ZC3H12B: variants seen among roughly 807,000 people sequenced by gnomAD.
ZC3H12B encodes the protein probable ribonuclease ZC3H12B.
Under a neutral mutation model 43.9 loss-of-function variants are expected in ZC3H12B, and 7 were observed. The observed-to-expected ratio is 0.16, with a 90% CI of 0.09 to 0.30. ZC3H12B has a LOEUF of 0.30. ZC3H12B is among the 10% of genes least tolerant of loss of function. ZC3H12B has a pLI of 1.00. For synonymous variants in ZC3H12B, 222 were observed against 241.7 expected (o/e 0.92, Z 0.76); for missense variants, 475 against 670.2 (o/e 0.71, Z 3.22).
the ZC3H12B span, among the ~76,000 whole-genome samples, chrX:65,095,183 A>T: frequency 1.8e-5 from 2 of 112,016 alleles, no homozygotes; most frequent in African/African-American, 6.5e-5. Flanking sequence ...TTATTTTGTT[A>T]GATTACAAAA....
chrX:65,265,659 C>T, the ZC3H12B span, among the ~76,000 whole-genome samples: 1 of 111,806 alleles, frequency 8.9e-6, no homozygotes, highest in Admixed American at 9.5e-5. Context: ...CTTCTGAAGT[C>T]CTAATCAATT....
At chrX:65,101,706 C>T in the ZC3H12B span, among the ~76,000 whole-genome samples, 3 of 111,898 alleles carry the variant, frequency 2.7e-5, no homozygotes, top group Non-Finnish European at 3.8e-5. Context: ...AGTCAAATCC[C>T]TGAATAGACC....
At position 65,370,280 on chromosome X, in the gene ZC3H12B, G is replaced by T. The variant is rs749235314; in HGVS notation, n.295+1282G>T. On this transcript the variant is annotated intron_variant and non_coding_transcript_variant, in intron 2 of 5. Coordinates refer to the ZC3H12B transcript ENST00000617377. Reference sequence around the variant, plus strand: ...AATCATAGGCCATTATGGTATAGTGGAAAGATCCCTTCATTTGAGGTCAGA... The same window carrying T: ...AATCATAGGCCATTATGGTATAGTGTAAAGATCCCTTCATTTGAGGTCAGA... 8.1e-5 allele frequency among the ~76,000 whole-genome samples: 9 copies of T among 111,081 alleles called. No homozygotes were observed. In the South Asian group the frequency reaches 2.7e-3, roughly 33 times the overall value.
At chrX:65,166,569 A>T in the ZC3H12B span, among the ~76,000 whole-genome samples, 3 of 111,929 alleles carry the variant, frequency 2.7e-5, no homozygotes, top group African/African-American at 9.8e-5. Context: ...CAGTAATGGG[A>T]TGGCTGGGTC....
intron 2 of ZC3H12B, among the ~76,000 whole-genome samples, chrX:65,392,565 C>T (rs1051642230): frequency 9.0e-6 from 1 of 111,513 alleles, no homozygotes; most frequent in South Asian, 3.8e-4. Context: ...GTCACCCCCG[C>T]TTGGCAGCCA....
At chrX:65,503,311 A>G (rs1489783481) in exon 5 of ZC3H12B, 2 of 755,231 alleles carry the variant, frequency 2.6e-6, no homozygotes, top group African/African-American at 4.3e-5. Flanking sequence ...GCGCTTTACA[A>G]GTTAGAGTGT....
the ZC3H12B span, among the ~76,000 whole-genome samples, chrX:65,047,138 G>A: frequency 9.0e-6 from 1 of 111,377 alleles, no homozygotes; most frequent in East Asian, 2.8e-4. Flanking sequence ...ACATGCTTTT[G>A]TAAAAATTGT....
the ZC3H12B span, among the ~76,000 whole-genome samples, chrX:65,298,359 A>C: frequency 8.9e-6 from 1 of 112,104 alleles, no homozygotes; most frequent in Non-Finnish European, 1.9e-5. Flanking sequence ...AAAAATGAAA[A>C]TACTAATTAT....
the ZC3H12B span, among the ~76,000 whole-genome samples, chrX:65,211,227 T>C: frequency 9.1e-6 from 1 of 109,537 alleles, no homozygotes; most frequent in African/African-American, 3.3e-5. Flanking sequence ...GATGGATAGA[T>C]TGCGAAAATT....
chrX:65,226,097 A>T, the ZC3H12B span, among the ~76,000 whole-genome samples: 1 of 111,843 alleles, frequency 8.9e-6, no homozygotes, highest in Non-Finnish European at 1.9e-5. Context: ...GATGAAATGA[A>T]GGAAAAAATG....
the ZC3H12B span, among the ~76,000 whole-genome samples, chrX:65,337,259 C>T: frequency 8.9e-6 from 1 of 111,811 alleles, no homozygotes; most frequent in Non-Finnish European, 1.9e-5. Flanking sequence ...CTTTGGGGTT[C>T]ATCAGAAAGA....
At chrX:65,101,311 C>G in the ZC3H12B span, among the ~76,000 whole-genome samples, 1 of 111,708 alleles carries the variant, frequency 9.0e-6, no homozygotes, top group African/African-American at 3.3e-5. Flanking sequence ...CTAAACTCAA[C>G]ATCCTAACAT....
chrX:65,182,079 A>G, the ZC3H12B span, among the ~76,000 whole-genome samples: 2 of 111,987 alleles, frequency 1.8e-5, no homozygotes, highest in Admixed American at 9.6e-5. Context: ...ACCATCAAAA[A>G]GAATGAGTTC....
At chrX:65,115,241 C>T in the ZC3H12B span, among the ~76,000 whole-genome samples, 25,646 of 107,818 alleles carry the variant, frequency 0.24, 7,654 homozygotes, top group African/African-American at 0.83. Context: ...GTCCAATGTA[C>T]TATTCTTATG....
At chrX:65,282,385 G>A in the ZC3H12B span, among the ~76,000 whole-genome samples, 37 of 111,910 alleles carry the variant, frequency 3.3e-4, no homozygotes, top group South Asian at 0.01. Flanking sequence ...AGGATTTTCC[G>A]TTATGTCACT....
chrX:65,142,225 G>A, the ZC3H12B span, among the ~76,000 whole-genome samples: 1 of 111,958 alleles, frequency 8.9e-6, no homozygotes, highest in Admixed American at 9.4e-5. Context: ...ATCACATGCT[G>A]GTTTTGATTT....
chrX:65,126,242 T>C, the ZC3H12B span, among the ~76,000 whole-genome samples: 1 of 111,101 alleles, frequency 9.0e-6, no homozygotes, highest in East Asian at 2.8e-4. Context: ...CCTTCATTTA[T>C]GAGGTTTAGT....
At chrX:65,294,152 A>G in the ZC3H12B span, among the ~76,000 whole-genome samples, 1 of 111,947 alleles carries the variant, frequency 8.9e-6, no homozygotes, top group African/African-American at 3.2e-5. Flanking sequence ...TGAACAGCAG[A>G]TTTCTCAGCA....
At chrX:65,337,101 C>A in the ZC3H12B span, among the ~76,000 whole-genome samples, 2 of 111,684 alleles carry the variant, frequency 1.8e-5, no homozygotes, top group African/African-American at 6.5e-5. Context: ...TTAACTCTCT[C>A]TCTGTCTTAG....
Sources: allele counts gnomAD v4.1 joint callset (sites outside exome capture counted in the v4.1 genomes callset), GRCh38; gene constraint gnomAD v4.1.1; transcripts MANE v1.5; gene names NCBI Gene and HGNC (gene_info 2026-07-23, HGNC 2026-07-21).